Variants in PRKAR1B observed in about 807,000 individuals in gnomAD.
PRKAR1B encodes the protein protein kinase cAMP-dependent type I regulatory subunit beta.
A neutral mutation model predicts 46.5 loss-of-function variants in PRKAR1B; 22 were observed. That is an observed-to-expected ratio of 0.47 (90% CI 0.34 to 0.68). PRKAR1B has a LOEUF of 0.68. Among genes scored for constraint, PRKAR1B ranks in the 30% least tolerant of loss-of-function variants. The pLI is 0.01. For synonymous variants in PRKAR1B, 259 were observed against 217.7 expected (o/e 1.19, Z -1.67); for missense variants, 445 against 535.6 (o/e 0.83, Z 1.67).
At chr7:638,722 G>A (rs930226316) in intron 4 of PRKAR1B, among the ~76,000 whole-genome samples, 1 of 152,204 alleles carries the variant, frequency 6.6e-6, no homozygotes, top group African/African-American at 2.4e-5. Flanking sequence ...ATATTGACAA[G>A]ATGACACCAA....
intron 4 of PRKAR1B, among the ~76,000 whole-genome samples, chr7:647,731 G>T (rs756862660): frequency 1.0e-4 from 15 of 150,536 alleles, no homozygotes; most frequent in Admixed American, 1.3e-4. Context: ...GCATGAACCT[G>T]GGGGGGCAGA....
chr7:595,886 G>A (rs1375093449), intron 7 of PRKAR1B, among the ~76,000 whole-genome samples: 1 of 152,180 alleles, frequency 6.6e-6, no homozygotes, highest in Non-Finnish European at 1.5e-5. Flanking sequence ...GGCAGCTGGA[G>A]CACCAGCCAT....
chr7:711,498 G>A lies in PRKAR1B; in HGVS notation c.8C>T (p.Ser3Phe), dbSNP rs1201489213. 6.2e-7 allele frequency: 1 copy of A among 1,613,264 alleles called. No individual in the cohort carries two copies. Among genetic ancestry groups the A allele is most frequent in the African/African-American group, 1.3e-5 (1 of 74,866 alleles). Residue 3 changes from serine to phenylalanine, a missense_variant, in exon 2 of 11, where the codon TCC (serine) becomes TTC (phenylalanine). Physicochemically the swap from Ser to Phe is radical, Grantham distance 155 (BLOSUM62 -2). This residue lies in a region of PRKAR1B where 155 missense variants were observed against 127.5 expected (regional missense o/e 1.22). Coordinates refer to ENST00000537384, the MANE Select transcript of PRKAR1B (RefSeq NM_001164760.2). ...CTCCTCCGAGGGGCAGGCGGGCGGG[G>A]AGGCCATGGCGAGGGTGGCTGCTTC... The part of the protein sequence containing the change: MA[S>F]PPACPSEEDE...
At chr7:690,083 G>C (rs1205918429) in intron 2 of PRKAR1B, among the ~76,000 whole-genome samples, 1 of 151,738 alleles carries the variant, frequency 6.6e-6, no homozygotes, top group Non-Finnish European at 1.5e-5. Flanking sequence ...GATCACTTGA[G>C]GCCAGGAGTT....
At chr7:556,949 G>A (rs538075816) in intron 9 of PRKAR1B, among the ~76,000 whole-genome samples, 64 of 152,198 alleles carry the variant, frequency 4.2e-4, no homozygotes, top group Non-Finnish European at 8.2e-4. Flanking sequence ...CCAAGTTCAC[G>A]TGAACTAGAC....
rs28472598 is a variant in PRKAR1B, at chr7:586,252, C to T, written c.709-1684G>A. On this transcript the variant is annotated intron_variant, in intron 7 of 10. Coordinates refer to ENST00000537384, the MANE Select transcript of PRKAR1B (RefSeq NM_001164760.2). ...CTGTTACACCTGGCATGGAGGCAGCCGGCCCCCAATGATCCTCACTCGCCT... is the reference window on the plus strand; with the variant it reads ...CTGTTACACCTGGCATGGAGGCAGCTGGCCCCCAATGATCCTCACTCGCCT... 4.4e-3 allele frequency among the ~76,000 whole-genome samples: 675 copies of T among 152,324 alleles called. 9 individuals are homozygous for T. The highest frequency in any genetic ancestry group is 0.016 in the African/African-American group (649 of 41,570).
chr7:634,229 G>A (rs575688280), intron 4 of PRKAR1B, among the ~76,000 whole-genome samples: 2 of 152,094 alleles, frequency 1.3e-5, no homozygotes, highest in East Asian at 2.0e-4. Context: ...CAAATGTGTT[G>A]GCCAGGCTGG....
At position 675,737 on chromosome 7, in the gene PRKAR1B, G is replaced by C. The variant is rs573399122; in HGVS notation, c.440+1492C>G. Among the ~76,000 whole-genome samples the C allele has an allele frequency of 2.0e-3, 312 of 152,242 alleles. 2 individuals carry two copies. The highest frequency in any genetic ancestry group is 7.2e-3 in the African/African-American group (299 of 41,536). On this transcript the variant is annotated intron_variant, in intron 4 of 10. Transcript: ENST00000537384. ...CCGAGGCAGGTGGATCATGAGGTCA[G>C]GAGTTCGAGACCAGCCTGGCCAACA...
At position 593,697 on chromosome 7, in the gene PRKAR1B, G is replaced by T. The variant is rs917779034; in HGVS notation, c.708+2449C>A. On this transcript the variant is annotated intron_variant, in intron 7 of 10. Transcript: ENST00000537384. The surrounding 1 kb of genome is among the most constrained non-coding windows in gnomAD (Gnocchi z 6.1). ...GGGACCCCTCCCACGCGGCGACAGA[G>T]GCCTCCCAGTGAAGGCAGGAGTGAG... Among the ~76,000 whole-genome samples, 61 of 152,270 alleles carry T rather than the reference G, an allele frequency of 4.0e-4. 2 individuals are homozygous for T. The highest frequency in any genetic ancestry group is 1.3e-3 in the African/African-American group (56 of 41,556).
At chr7:552,369 A>C (rs957403345) in intron 9 of PRKAR1B, among the ~76,000 whole-genome samples, 13 of 12,420 alleles carry the variant, frequency 1.0e-3, no homozygotes, top group Admixed American at 5.5e-3. Flanking sequence ...CCAAACCCCC[A>C]CCTCCCGCCC....
In PRKAR1B at chr7:609,005, C is replaced by T. The variant is rs373785518; in HGVS notation, c.441-1553G>A. ...GGGGAGGGGTCAGTGTGTGGCAGGG[C>T]TGTAGGGAGGGCCGGGGGGCCTCCA... On this transcript the variant is annotated intron_variant, in intron 4 of 10. Transcript: ENST00000537384. 6.4e-4 allele frequency among the ~76,000 whole-genome samples: 63 copies of T among 99,074 alleles called. 1 individual carries two copies. Among genetic ancestry groups the T allele is most frequent in the African/African-American group, 1.4e-3 (40 of 28,224 alleles). The allele number at this position is 99,074 out of a possible 152,430, so 65.0% of individuals were successfully genotyped here. A position where few individuals can be genotyped will look rare whatever the true frequency, so the allele number is the denominator to read the frequency against.
chr7:581,894 T>A (rs941316218), intron 8 of PRKAR1B, among the ~76,000 whole-genome samples: 6 of 152,072 alleles, frequency 3.9e-5, no homozygotes, highest in African/African-American at 1.2e-4. Flanking sequence ...TTTTTAAAAA[T>A]TTTTTGGAGA....
intron 4 of PRKAR1B, among the ~76,000 whole-genome samples, chr7:611,853 G>A (rs528892570): frequency 1.3e-5 from 2 of 151,660 alleles, no homozygotes; most frequent in Non-Finnish European, 2.9e-5. Context: ...ACAAATGGGT[G>A]AGTAGATGAA....
chr7:698,906 C>A (rs1779914259), intron 2 of PRKAR1B, among the ~76,000 whole-genome samples: 1 of 152,228 alleles, frequency 6.6e-6, no homozygotes, highest in South Asian at 2.1e-4. Context: ...CCACCTCTCC[C>A]CACGCAGCAG....
chr7:726,755 C>T, intron 1 of PRKAR1B: 1 of 1,255,084 alleles, frequency 8.0e-7, no homozygotes, highest in Non-Finnish European at 1.0e-6. Flanking sequence ...GCCGTGGCGG[C>T]CCCACACCCG....
At chr7:634,009 G>C (rs1018450512) in intron 4 of PRKAR1B, among the ~76,000 whole-genome samples, 1 of 152,058 alleles carries the variant, frequency 6.6e-6, no homozygotes, top group African/African-American at 2.4e-5. Flanking sequence ...GACCCCATCT[G>C]TACAAGAAAA....
At chr7:626,403 G>A (rs1783405441) in intron 4 of PRKAR1B, among the ~76,000 whole-genome samples, 3 of 152,084 alleles carry the variant, frequency 2.0e-5, no homozygotes, top group South Asian at 4.2e-4. Flanking sequence ...GATGAGGCCA[G>A]AGAATCACTT....
intron 1 of PRKAR1B, among the ~76,000 whole-genome samples, chr7:718,583 C>T (rs930033788): frequency 6.6e-6 from 1 of 151,936 alleles, no homozygotes; most frequent in African/African-American, 2.4e-5. Flanking sequence ...TCTCGAACTC[C>T]TGACCTCAGG....
In PRKAR1B at chr7:550,604, T is replaced by TG; in HGVS notation, c.974-3dup. On this transcript the variant is annotated splice_region_variant and splice_polypyrimidine_tract_variant and intron_variant, in intron 10 of 10. Coordinates refer to ENST00000537384, the MANE Select transcript of PRKAR1B (RefSeq NM_001164760.2). ...GGTTCAGCAGCAGTGCAATCTCCCCTGGGGGTTGAAGAGAGAGGTCAGGGC... is the reference window on the plus strand; with the variant it reads ...GGTTCAGCAGCAGTGCAATCTCCCCTGGGGGGTTGAAGAGAGAGGTCAGGGC... 1 of 1,559,614 alleles carries TG rather than the reference T, an allele frequency of 6.4e-7. No individual in the cohort carries two copies. Among genetic ancestry groups the TG allele is most frequent in the South Asian group, 1.2e-5 (1 of 82,566 alleles).
Sources: gnomAD v4.1 joint callset for allele counts (sites outside exome capture counted in the v4.1 genomes callset) on GRCh38, gnomAD v4.1.1 for gene constraint, gnomAD v4.1.1 regional missense constraint, Gnocchi (gnomAD v3.1) non-coding constraint, MANE v1.5 for transcripts, NCBI Gene and HGNC (gene_info 2026-07-23, HGNC 2026-07-21) for gene names.